EFHC2: variants seen among roughly 807,000 people sequenced by gnomAD.
EFHC2 encodes the protein EF-hand domain-containing family member C2.
Under a neutral mutation model 52.7 loss-of-function variants are expected in EFHC2, and 18 were observed. The observed-to-expected ratio is 0.34, with a 90% CI of 0.24 to 0.51. The LOEUF (loss-of-function observed/expected upper bound fraction) is 0.51. EFHC2 is among the 20% of genes least tolerant of loss of function. EFHC2 has a pLI of 0.97. For missense variants in EFHC2, 513 were observed against 562.5 expected (o/e 0.91, Z 0.89); for synonymous variants, 203 against 204.1 (o/e 0.99, Z 0.04).
At chrX:44,312,383 TAAAGAC>T (rs1015448429) in intron 2 of EFHC2, among the ~76,000 whole-genome samples, 179 bp downstream of exon 2, 5 of 111,276 alleles carry the variant, frequency 4.5e-5, no homozygotes, top group Non-Finnish European at 9.4e-5. Flanking sequence ...TTTAAACAAA[TAAAGAC>T]AAAGGGAGAA....
chrX:44,280,817 T>C (rs1296250016), intron 2 of EFHC2, among the ~76,000 whole-genome samples: 1 of 112,603 alleles, frequency 8.9e-6, no homozygotes, highest in Non-Finnish European at 1.9e-5. Flanking sequence ...GAAGATATAT[T>C]AATAGAAGAG....
intron 1 of EFHC2, among the ~76,000 whole-genome samples, chrX:44,322,931 TGAACCTG>T (rs2147390557): frequency 9.0e-6 from 1 of 110,680 alleles, no homozygotes; most frequent in South Asian, 3.9e-4. Flanking sequence ...GAGGATCACT[TGAACCTG>T]GGAGGTGGAG....
chrX:44,186,765 T>C (rs1025211191), intron 11 of EFHC2, among the ~76,000 whole-genome samples: 5 of 111,618 alleles, frequency 4.5e-5, no homozygotes, highest in African/African-American at 1.6e-4. Context: ...CTTACTCATA[T>C]CAAATAATTA....
chrX:44,199,259 C>G (rs2036989190), intron 11 of EFHC2, among the ~76,000 whole-genome samples: 1 of 113,019 alleles, frequency 8.8e-6, no homozygotes, highest in African/African-American at 3.2e-5. Context: ...CTCTTGCTCC[C>G]TCTTACCATG....
intron 11 of EFHC2, among the ~76,000 whole-genome samples, chrX:44,215,374 A>G (rs2037136276): frequency 9.0e-6 from 1 of 111,252 alleles, no homozygotes; most frequent in South Asian, 3.8e-4. Context: ...CACCAAAAAT[A>G]TCAAATATCT....
chrX:44,217,749 C>CA (rs1049042160), intron 11 of EFHC2, among the ~76,000 whole-genome samples: 12 of 105,978 alleles, frequency 1.1e-4, no homozygotes, highest in South Asian at 4.1e-4. Context: ...TTAATGGGTA[C>CA]AAAAAAAAAT....
rs750293210 is a variant in EFHC2 at position 44,237,232 on chromosome X, C to A, written c.1281-1785G>T. On this transcript the variant is annotated intron_variant, in intron 8 of 14. Coordinates refer to ENST00000420999, the MANE Select transcript of EFHC2 (RefSeq NM_025184.4). ...CAGAAACCTGCATTATTAATAAGCA[C>A]CCCAGAAGATTCTGATAAGGTGGTC... 6.8e-3 allele frequency among the ~76,000 whole-genome samples: 759 copies of A among 111,428 alleles called. 6 individuals are homozygous for A. Among genetic ancestry groups the A allele is most frequent in the Non-Finnish European group, 0.011 (561 of 53,055 alleles).
At chrX:44,287,196 A>C (rs1167550507) in intron 2 of EFHC2, among the ~76,000 whole-genome samples, 1 of 111,064 alleles carries the variant, frequency 9.0e-6, no homozygotes, top group East Asian at 2.8e-4. Context: ...TTCTAAAAAA[A>C]AATTTTTTAA....
intron 2 of EFHC2, among the ~76,000 whole-genome samples, chrX:44,292,132 ATG>A (rs994252546): frequency 9.0e-5 from 10 of 111,476 alleles, no homozygotes; most frequent in African/African-American, 2.9e-4. Flanking sequence ...AATTATATAT[ATG>A]TGTGTTTTTT....
chrX:44,281,532 A>G (rs780154256), intron 2 of EFHC2, among the ~76,000 whole-genome samples: 4 of 111,986 alleles, frequency 3.6e-5, no homozygotes, highest in African/African-American at 1.3e-4. Context: ...TCCAACCCAA[A>G]TATCAGATGA....
intron 11 of EFHC2, among the ~76,000 whole-genome samples, chrX:44,194,124 C>A (rs752537032): frequency 1.8e-5 from 2 of 112,113 alleles, no homozygotes; most frequent in African/African-American, 6.5e-5. Context: ...GCAACTAGGT[C>A]TCTCATGCCA....
intron 1 of EFHC2, among the ~76,000 whole-genome samples, chrX:44,339,189 T>C (rs1213114047): frequency 1.3e-4 from 5 of 39,964 alleles, no homozygotes; most frequent in African/African-American, 9.5e-4. Context: ...AGACTCCATC[T>C]CCAAAAAAAA....
At chrX:44,312,490 T>C in intron 2 of EFHC2, 78 bp downstream of exon 2, 4 of 819,140 alleles carry the variant, frequency 4.9e-6, no homozygotes, top group Non-Finnish European at 6.7e-6. Context: ...CACTGAAGAC[T>C]CCTACTTTCT....
At position 44,148,779 on chromosome X, in the gene EFHC2, A is replaced by C; in HGVS notation, c.*16T>G. 8.7e-7 allele frequency: 1 copy of C among 1,154,576 alleles called. No homozygotes were observed. Among genetic ancestry groups the C allele is most frequent in the Non-Finnish European group, 1.2e-6 (1 of 862,435 alleles). The stretch of plus-strand genomic sequence containing the variant: ...GAGAGAAGTAAATCATAGAGAATTG[A>C]CCAAAACTGGCATGGTTATTCCTCC... On this transcript the variant is annotated 3_prime_UTR_variant, in exon 15 of 15. Transcript: ENST00000420999.
At chrX:44,221,576 T>C (rs1002420697) in intron 11 of EFHC2, among the ~76,000 whole-genome samples, 1 of 111,758 alleles carries the variant, frequency 8.9e-6, no homozygotes, top group African/African-American at 3.2e-5. Context: ...TTCAACATTT[T>C]CTTGGATATT....
chrX:44,250,834 A>G (rs2037437893), intron 4 of EFHC2, among the ~76,000 whole-genome samples: 1 of 108,605 alleles, frequency 9.2e-6, no homozygotes, highest in Non-Finnish European at 1.9e-5. Flanking sequence ...CGAAAAAAAA[A>G]AAAAAAAAGA....
At chrX:44,253,263 G>A (rs896857396) in intron 4 of EFHC2, among the ~76,000 whole-genome samples, 5 of 107,940 alleles carry the variant, frequency 4.6e-5, no homozygotes, top group African/African-American at 1.4e-4. Context: ...CCCCAGTGGC[G>A]CCTGGAACAC....
intron 8 of EFHC2, among the ~76,000 whole-genome samples, chrX:44,238,988 G>A (rs1029135935): frequency 7.2e-5 from 8 of 111,049 alleles, no homozygotes; most frequent in Non-Finnish European, 1.3e-4. Flanking sequence ...CACACAGCAG[G>A]GATTCAAGAA....
At chrX:44,280,846 C>T (rs774457388) in intron 2 of EFHC2, among the ~76,000 whole-genome samples, 5 of 111,984 alleles carry the variant, frequency 4.5e-5, no homozygotes, top group Non-Finnish European at 9.4e-5. Context: ...AAAGGATAGG[C>T]GAAGTATATT....
Sources: gnomAD v4.1 joint callset for allele counts (sites outside exome capture counted in the v4.1 genomes callset) on GRCh38, gnomAD v4.1.1 for gene constraint, MANE v1.5 for transcripts, NCBI Gene and HGNC (gene_info 2026-07-23, HGNC 2026-07-21) for gene names.